PEDS1: variants seen among roughly 807,000 people sequenced by gnomAD.
PEDS1 encodes CarF homolog.
Under a neutral mutation model 35.2 loss-of-function variants are expected in PEDS1, and 14 were observed. That is an observed-to-expected ratio of 0.40 (90% CI 0.26 to 0.62). The LOEUF is 0.62. Ranked by LOEUF, PEDS1 falls within the 20% of genes least tolerant of loss-of-function variation. The pLI is 0.44. For synonymous variants in PEDS1, 152 were observed against 152.0 expected, an observed-to-expected ratio of 1.00 and a Z score of 0.00; for missense variants, 260 against 367.8, an observed-to-expected ratio of 0.71 and a Z score of 2.40.
intron 1 of PEDS1, 55 bp from the exon 2 acceptor site, chr20:50,143,676 G>A (rs913135378): frequency 4.8e-5 from 76 of 1,585,364 alleles, no homozygotes; most frequent in Non-Finnish European, 6.4e-5. Flanking sequence ...CAGGCAGAGT[G>A]TGGCCCCATG....
chr20:50,131,140 C>T (rs1005288188), intron 2 of PEDS1, 193 bp from the exon 3 acceptor site: 12 of 1,394,014 alleles, frequency 8.6e-6, no homozygotes, highest in African/African-American at 4.3e-5. Context: ...TTGCTGTGCT[C>T]GGGGAGATGC....
intron 2 of PEDS1, among the ~76,000 whole-genome samples, chr20:50,141,585 AG>A (rs1351921454): frequency 6.6e-6 from 1 of 152,258 alleles, no homozygotes; most frequent in Non-Finnish European, 1.5e-5. Context: ...AAGGCCACAG[AG>A]CCAGGAGGTG....
intron 2 of PEDS1, among the ~76,000 whole-genome samples, chr20:50,140,180 C>T (rs1250013667): frequency 6.6e-6 from 1 of 152,262 alleles, no homozygotes; most frequent in East Asian, 1.9e-4. Context: ...TGGCAGCTCA[C>T]CTTTCACAGC....
intron 2 of PEDS1, among the ~76,000 whole-genome samples, chr20:50,139,842 A>G (rs1244227824): frequency 6.6e-6 from 1 of 151,692 alleles, no homozygotes; most frequent in African/African-American, 2.4e-5. Context: ...CACCATGCCC[A>G]GCTGATTTTT....
chr20:50,140,998 T>C (rs2081286614), intron 2 of PEDS1, among the ~76,000 whole-genome samples: 1 of 152,206 alleles, frequency 6.6e-6, no homozygotes. Context: ...TTTCCTGGGC[T>C]GTGGCTGGAA....
At chr20:50,140,280 T>G (rs1235942459) in intron 2 of PEDS1, among the ~76,000 whole-genome samples, 1 of 152,218 alleles carries the variant, frequency 6.6e-6, no homozygotes. Context: ...TTCACGTGGC[T>G]GGACCATGGC....
At chr20:50,149,425 T>C (rs569591107) in intron 1 of PEDS1, among the ~76,000 whole-genome samples, 3 of 152,240 alleles carry the variant, frequency 2.0e-5, no homozygotes, top group African/African-American at 7.2e-5. Flanking sequence ...AGATTTCAGC[T>C]GGGACCTCCT....
At position 50,118,375 on chromosome 20, in the gene PEDS1, T is replaced by C. The variant is rs2147257339; in HGVS notation, c.*6683A>G. The C allele has an allele frequency of 6.6e-6, 1 of 152,392 alleles. No homozygotes were observed. The highest frequency in any genetic ancestry group is 2.1e-4 in the South Asian group (1 of 4,834). The allele number at this position is 152,392 out of a possible 1,614,324, so 9.4% of individuals were successfully genotyped here. ...GAGGTAGGTACCATTATTATTCCCA[T>C]TTTGCAGGTGAGGAAACTGAGACAC... On this transcript the variant is annotated 3_prime_UTR_variant, in exon 6 of 6. Transcript: ENST00000371652.
intron 2 of PEDS1, among the ~76,000 whole-genome samples, chr20:50,135,767 T>A (rs746135138): frequency 2.0e-5 from 3 of 148,392 alleles, no homozygotes; most frequent in Non-Finnish European, 3.0e-5. Flanking sequence ...CTGCCTCCTA[T>A]CAGCAGAGAC....
In PEDS1 at chr20:50,119,104, C is replaced by T. The variant is rs1004210786; in HGVS notation, c.*5954G>A. 1 of 152,068 alleles carries T rather than the reference C, an allele frequency of 6.6e-6. No homozygotes were observed. Among genetic ancestry groups the T allele is most frequent in the Non-Finnish European group, 1.5e-5 (1 of 68,014 alleles). 9.4% of individuals were successfully genotyped at this position (152,068 alleles called of 1,614,324 possible). Reference sequence around the variant, plus strand: ...ACTCTGAAAACTTGTGAACTTAAACCGGCATGGCCTCTGGAAGACAATTTG... The same window carrying T: ...ACTCTGAAAACTTGTGAACTTAAACTGGCATGGCCTCTGGAAGACAATTTG... On this transcript the variant is annotated 3_prime_UTR_variant, in exon 6 of 6. Coordinates refer to ENST00000371652, the MANE Select transcript of PEDS1 (RefSeq NM_199129.4).
In PEDS1 at chr20:50,124,228, AAAT is replaced by A. The variant is rs2081075615; in HGVS notation, c.*827_*829del. ...TATGTACATCCAAAACATGACATTA[AAAT>A]ATTACTCCGTGTTACAGAAAAGATA... On this transcript the variant is annotated 3_prime_UTR_variant, in exon 6 of 6. Transcript: ENST00000371652. 6.6e-6 allele frequency: 1 copy of A among 152,650 alleles called. No homozygotes were observed. Among genetic ancestry groups the A allele is most frequent in the African/African-American group, 2.4e-5 (1 of 41,456 alleles). 9.5% of individuals were successfully genotyped at this position (152,650 alleles called of 1,614,324 possible).
rs577983244 is a variant in PEDS1, at chr20:50,126,813, T to C, written c.691+1162A>G. Among the ~76,000 whole-genome samples the C allele has an allele frequency of 4.5e-4, 69 of 152,306 alleles. 3 individuals are homozygous for C. In the South Asian group the frequency reaches 0.014, roughly 32 times the overall value. ...AACTGAGCATGGCACGTGGGCCTCC[T>C]TTCCCTTCCTCCACTGCACTGGGCA... is the stretch of plus-strand genomic sequence containing the variant. On this transcript the variant is annotated intron_variant, in intron 5 of 5. Coordinates refer to ENST00000371652, the MANE Select transcript of PEDS1 (RefSeq NM_199129.4).
At chr20:50,147,891 T>TGTA (rs1568656916) in intron 1 of PEDS1, among the ~76,000 whole-genome samples, 1 of 151,484 alleles carries the variant, frequency 6.6e-6, no homozygotes, top group Admixed American at 6.6e-5. Context: ...AAACCCCGTC[T>TGTA]CTAAGAATAC....
At chr20:50,127,906 C>G (rs2081127291) in intron 5 of PEDS1, 69 bp downstream of exon 5, 10 of 1,563,068 alleles carry the variant, frequency 6.4e-6, no homozygotes, top group Non-Finnish European at 8.7e-6. Context: ...GATCTCTGCC[C>G]TCCTGACCTC....
Position 50,149,614 on chromosome 20 carries a change from G to A in PEDS1, c.121+3903C>T, listed in dbSNP as rs112000945. 8.7e-3 allele frequency among the ~76,000 whole-genome samples: 1,325 copies of A among 152,208 alleles called. 28 individuals are homozygous for A. The highest frequency in any genetic ancestry group is 0.03 in the African/African-American group (1,247 of 41,514). On this transcript the variant is annotated intron_variant, in intron 1 of 5. Coordinates refer to ENST00000371652, the MANE Select transcript of PEDS1 (RefSeq NM_199129.4). Reference sequence around the variant, plus strand: ...TCTGGGCCAGACACTTGGGGCCTGCGAAATCAGGCTGTGGCCGCCTCCCTG... The same window carrying A: ...TCTGGGCCAGACACTTGGGGCCTGCAAAATCAGGCTGTGGCCGCCTCCCTG...
intron 1 of PEDS1, chr20:50,151,301 A>G (rs1031134264): frequency 1.5e-6 from 2 of 1,304,286 alleles, no homozygotes; most frequent in South Asian, 1.2e-5. Flanking sequence ...GCTGTTCTTC[A>G]GAGAGTGAAG....
In PEDS1 at chr20:50,121,589, A is replaced by C. The variant is rs1381050423; in HGVS notation, c.*3469T>G. On this transcript the variant is annotated 3_prime_UTR_variant, in exon 6 of 6. Coordinates refer to ENST00000371652, the MANE Select transcript of PEDS1 (RefSeq NM_199129.4). ...TTTCCCCTGTCTGGCCCTCATAGGC[A>C]CTTGTTTGCAAGTCCCTGATCTCAC... is the stretch of plus-strand genomic sequence containing the variant. 1.3e-5 allele frequency: 2 copies of C among 152,210 alleles called. No homozygotes were observed. Among genetic ancestry groups the C allele is most frequent in the Non-Finnish European group, 2.9e-5 (2 of 68,050 alleles). 9.4% of individuals were successfully genotyped at this position (152,210 alleles called of 1,614,324 possible).
chr20:50,145,834 T>G (rs544217771), intron 1 of PEDS1, among the ~76,000 whole-genome samples: 1 of 152,312 alleles, frequency 6.6e-6, no homozygotes, highest in South Asian at 2.1e-4. Flanking sequence ...TAAAATATAC[T>G]GAGCAGTTAC....
Position 50,153,712 on chromosome 20 carries a change from A to T in PEDS1, c.-75T>A. 1 of 1,145,698 alleles carries T rather than the reference A, an allele frequency of 8.7e-7. No individual in the cohort carries two copies. The highest frequency in any genetic ancestry group is 1.1e-6 in the Non-Finnish European group (1 of 933,602). 71.0% of individuals were successfully genotyped at this position (1,145,698 alleles called of 1,614,324 possible). A position where few individuals can be genotyped will look rare whatever the true frequency, so the allele number is the denominator to read the frequency against. ...AGGGCCGCGGAACCGCGGCGAGATC[A>T]CGCCGCCCAATGACCGCCCAGCGCC... On this transcript the variant is annotated 5_prime_UTR_variant, in exon 1 of 6. Transcript: ENST00000371652.
Sources: gnomAD v4.1 joint callset for allele counts (sites outside exome capture counted in the v4.1 genomes callset) on GRCh38, gnomAD v4.1.1 for gene constraint, MANE v1.5 for transcripts, NCBI Gene and HGNC (gene_info 2026-07-23, HGNC 2026-07-21) for gene names.